NRG3: variants seen among roughly 807,000 people sequenced by gnomAD.
NRG3 encodes pro-neuregulin-3, membrane-bound isoform.
NRG3 carries 31 observed loss-of-function variants against 66.9 expected under a neutral mutation model. That is an observed-to-expected ratio of 0.46 (90% CI 0.35 to 0.63). The LOEUF (loss-of-function observed/expected upper bound fraction) is 0.63. NRG3 is among the 20% of genes least tolerant of loss of function. The pLI is 0.00. For missense variants in NRG3, 910 were observed against 878.9 expected (o/e 1.04, Z -0.45); for synonymous variants, 393 against 359.4 (o/e 1.09, Z -1.06).
chr10:82,292,573 A>G (rs936278817), intron 1 of NRG3, among the ~76,000 whole-genome samples: 1 of 152,210 alleles, frequency 6.6e-6, no homozygotes, highest in Non-Finnish European at 1.5e-5. Context: ...ACCAAAAATT[A>G]AAAACAACCT....
chr10:82,319,481 C>T (rs1199133783), intron 1 of NRG3, among the ~76,000 whole-genome samples: 1 of 152,220 alleles, frequency 6.6e-6, no homozygotes, highest in African/African-American at 2.4e-5. Flanking sequence ...TTCAAGCCCT[C>T]CTCCTATCTA....
At chr10:82,824,265 C>T (rs2062083299) in intron 3 of NRG3, among the ~76,000 whole-genome samples, 1 of 152,122 alleles carries the variant, frequency 6.6e-6, no homozygotes, top group Admixed American at 6.5e-5. Context: ...CACAGTTTAT[C>T]TTTTTATCAA....
intron 2 of NRG3, among the ~76,000 whole-genome samples, chr10:82,564,992 A>G (rs993883875): frequency 8.5e-5 from 13 of 152,082 alleles, no homozygotes; most frequent in Non-Finnish European, 1.9e-4. Flanking sequence ...TGCTTAGATG[A>G]CTAATACAAT....
chr10:82,474,634 A>C (rs759335610), intron 2 of NRG3, among the ~76,000 whole-genome samples: 1 of 152,146 alleles, frequency 6.6e-6, no homozygotes, highest in Non-Finnish European at 1.5e-5. Context: ...GCCATTACCA[A>C]GGGGACCAAT....
intron 2 of NRG3, among the ~76,000 whole-genome samples, chr10:82,412,349 C>G (rs2088158844): frequency 6.6e-6 from 1 of 151,998 alleles, no homozygotes; most frequent in Admixed American, 6.6e-5. Context: ...GTTTGTTTTC[C>G]CAGTGCATAT....
intron 4 of NRG3, among the ~76,000 whole-genome samples, chr10:82,888,728 G>A (rs1842916090): frequency 6.6e-6 from 1 of 151,972 alleles, no homozygotes; most frequent in Non-Finnish European, 1.5e-5. Flanking sequence ...AAATATGTAT[G>A]ACTGATTCTG....
chr10:82,092,606 G>A (rs2066093075), intron 1 of NRG3, among the ~76,000 whole-genome samples: 1 of 152,044 alleles, frequency 6.6e-6, no homozygotes, highest in Admixed American at 6.6e-5. Context: ...ATTCTACATG[G>A]GTCTCTTGTA....
chr10:82,072,380 C>T (rs2064857677), intron 1 of NRG3, among the ~76,000 whole-genome samples: 1 of 152,096 alleles, frequency 6.6e-6, no homozygotes, highest in Non-Finnish European at 1.5e-5. Context: ...TAGATGGTTC[C>T]CATCTACTTC....
At chr10:82,659,214 C>T (rs553716670) in intron 2 of NRG3, among the ~76,000 whole-genome samples, 18 of 152,220 alleles carry the variant, frequency 1.2e-4, no homozygotes, top group Non-Finnish European at 2.1e-4. Flanking sequence ...AGTGCCTTGT[C>T]TAGATATTTT....
At chr10:82,124,782 GA>G (rs1037657554) in intron 1 of NRG3, among the ~76,000 whole-genome samples, 15 of 150,924 alleles carry the variant, frequency 9.9e-5, no homozygotes, top group East Asian at 1.9e-4. Context: ...GTTTTCTAAG[GA>G]AAAAAATACC....
rs529610128 is a variant in NRG3 at position 81,915,256 on chromosome 10, TC to T, written c.823+39094del. On this transcript the variant is annotated intron_variant, in intron 1 of 8. Coordinates refer to ENST00000372141, the MANE Select transcript of NRG3 (RefSeq NM_001010848.4). ...TATTTGCTTTCCCATCCTCAGACCC[TC>T]AAGTGCTTGTTGTAGGTTGGATTGT... 2.5e-3 allele frequency among the ~76,000 whole-genome samples: 388 copies of T among 152,286 alleles called. 3 individuals carry two copies. Among genetic ancestry groups the T allele is most frequent in the African/African-American group, 8.4e-3 (348 of 41,570 alleles).
At chr10:82,863,979 G>A (rs1479958857) in intron 3 of NRG3, among the ~76,000 whole-genome samples, 1 of 152,158 alleles carries the variant, frequency 6.6e-6, no homozygotes, top group Non-Finnish European at 1.5e-5. Flanking sequence ...ATAAATGAAT[G>A]CATCTACTTT....
intron 3 of NRG3, among the ~76,000 whole-genome samples, chr10:82,864,947 G>A (rs534878606): frequency 6.6e-6 from 1 of 152,144 alleles, no homozygotes; most frequent in Non-Finnish European, 1.5e-5. Context: ...TGGAGGTAAA[G>A]TACACCTGAT....
At chr10:82,872,540 G>T (rs143782254) in intron 4 of NRG3, among the ~76,000 whole-genome samples, 19 of 152,218 alleles carry the variant, frequency 1.2e-4, no homozygotes, top group African/African-American at 4.1e-4. Context: ...GTCATATGCT[G>T]CAAGAGTTCT....
intron 1 of NRG3, among the ~76,000 whole-genome samples, chr10:82,150,526 CACACAAAA>C (rs1432900891): frequency 1.2e-4 from 2 of 17,154 alleles, no homozygotes; most frequent in Admixed American, 5.0e-4. Flanking sequence ...AAAAAGAGCA[CACACAAAA>C]AAAAAAAAAA....
At position 82,227,567 on chromosome 10, in the gene NRG3, G is replaced by A. The variant is rs369932916; in HGVS notation, c.824-131172G>A. Among the ~76,000 whole-genome samples the A allele has an allele frequency of 7.9e-5, 12 of 152,100 alleles. No homozygotes were observed. The East Asian group carries it at 1.3e-3, about 17-fold the overall frequency. On this transcript the variant is annotated intron_variant, in intron 1 of 8. Transcript: ENST00000372141. ...TGAAATGTATTTGAGGTGGTACACT[G>A]ATGATTCCATCTGAATATTGCTTTG... is the stretch of plus-strand genomic sequence containing the variant.
intron 2 of NRG3, among the ~76,000 whole-genome samples, chr10:82,706,001 G>A (rs938892671): frequency 1.6e-4 from 24 of 152,194 alleles, no homozygotes; most frequent in African/African-American, 5.8e-4. Flanking sequence ...AGAATTTTGT[G>A]CTGCCTGGAG....
intron 2 of NRG3, among the ~76,000 whole-genome samples, chr10:82,709,475 G>C (rs990221904): frequency 6.6e-6 from 1 of 151,966 alleles, no homozygotes; most frequent in African/African-American, 2.4e-5. Context: ...TCGGCTTCCT[G>C]GGTTCAAGCG....
At chr10:82,789,901 A>C (rs1024116441) in intron 3 of NRG3, among the ~76,000 whole-genome samples, 26 of 152,052 alleles carry the variant, frequency 1.7e-4, no homozygotes, top group African/African-American at 6.3e-4. Context: ...TTTTCACTTA[A>C]AACAATGTAG....
Sources: allele counts gnomAD v4.1 joint callset (sites outside exome capture counted in the v4.1 genomes callset), GRCh38; gene constraint gnomAD v4.1.1; transcripts MANE v1.5; gene names NCBI Gene and HGNC (gene_info 2026-07-23, HGNC 2026-07-21).